ST14: variants seen among roughly 807,000 people sequenced by gnomAD.
ST14 encodes ST14 transmembrane serine protease matriptase.
In ST14, 40 loss-of-function variants were observed where a neutral mutation model predicts 96.5. That is an observed-to-expected ratio of 0.41 (90% CI 0.32 to 0.54). The LOEUF is 0.54. ST14 is among the 20% of genes least tolerant of loss of function. The pLI is 0.17. For synonymous variants in ST14, 506 were observed against 492.1 expected (o/e 1.03, Z -0.37); for missense variants, 1,066 against 1,188.9 (o/e 0.90, Z 1.52).
chr11:130,206,386 T>G (rs1401365617), intron 16 of ST14, among the ~76,000 whole-genome samples: 1 of 123,312 alleles, frequency 8.1e-6, no homozygotes, highest in Non-Finnish European at 1.8e-5. Flanking sequence ...AGGTGATTCT[T>G]TGAATCAGCG....
chr11:130,188,998 G>A lies in ST14; in HGVS notation c.440+59G>A. The A allele has an allele frequency of 1.3e-6, 2 of 1,545,756 alleles. No homozygotes were observed. Among genetic ancestry groups the A allele is most frequent in the South Asian group, 1.2e-5 (1 of 85,346 alleles). ...CCCAGACTGGCTGGGAGTAGGATCG[G>A]GGTACAGTGTGTGGGGCAGGAAGCG... On this transcript the variant is annotated intron_variant, in intron 4 of 18. Transcript: ENST00000278742. This position sits in a 1 kb window ranked among gnomAD's most constrained non-coding sequence, Gnocchi z 5.4.
chr11:130,187,969 C>A lies in ST14; in HGVS notation c.82-145C>A, dbSNP rs575259351. ...TGCGCTCTGGGCAGTGGTCCCCATG[C>A]CTCTGGGGGAAGCCCCCTTCTTCTC... On this transcript the variant is annotated intron_variant, in intron 1 of 18. Transcript: ENST00000278742. This position sits in a 1 kb window ranked among gnomAD's most constrained non-coding sequence, Gnocchi z 4.5. 2 of 1,146,146 alleles carry A rather than the reference C, an allele frequency of 1.7e-6. No homozygotes were observed. Among genetic ancestry groups the A allele is most frequent in the South Asian group, 1.4e-5 (1 of 70,330 alleles). The allele number at this position is 1,146,146 out of a possible 1,614,324, so 71.0% of individuals were successfully genotyped here.
At chr11:130,168,615 A>T (rs913252762) in intron 1 of ST14, among the ~76,000 whole-genome samples, 1 of 152,188 alleles carries the variant, frequency 6.6e-6, no homozygotes, top group Non-Finnish European at 1.5e-5. Context: ...CGAGGATGAG[A>T]GGTGGGTGAC....
At chr11:130,178,041 ACT>A (rs2136206912) in intron 1 of ST14, among the ~76,000 whole-genome samples, 1 of 152,226 alleles carries the variant, frequency 6.6e-6, no homozygotes, top group African/African-American at 2.4e-5. Context: ...CTTCCTGTTC[ACT>A]CCGTAGTCAG....
At chr11:130,176,755 A>G (rs1174387720) in intron 1 of ST14, among the ~76,000 whole-genome samples, 1 of 149,714 alleles carries the variant, frequency 6.7e-6, no homozygotes, top group Non-Finnish European at 1.5e-5. Flanking sequence ...ACTTTGCATT[A>G]AAAGTACAGG....
intron 16 of ST14, among the ~76,000 whole-genome samples, chr11:130,202,080 G>A (rs1016810297): frequency 6.6e-6 from 1 of 152,232 alleles, no homozygotes; most frequent in Non-Finnish European, 1.5e-5. Flanking sequence ...CGGTTGCTTA[G>A]TGTGTTCATT....
intron 5 of ST14, 71 bp downstream of exon 5, chr11:130,189,967 A>C (rs2136212741): frequency 1.2e-6 from 2 of 1,612,220 alleles, no homozygotes; most frequent in Non-Finnish European, 1.7e-6. Context: ...GCCCTGGACC[A>C]TTGCAGGGGA....
rs1231541764 is a variant in ST14, at chr11:130,188,245, G to T, written c.213G>T (p.Gly71=). ...VLIGLLLVLL[G]IGFLVWHLQY... The stretch of plus-strand genomic sequence containing the variant: ...TCGGCCTCCTCTTGGTCTTGCTGGG[G>T]ATCGGCTTCCTGGTGTGGCATTTGC... Residue 71 remains glycine, a synonymous_variant, in exon 2 of 19, where the codon GGG becomes GGT. Coordinates refer to ENST00000278742, the MANE Select transcript of ST14 (RefSeq NM_021978.4). The surrounding 1 kb of genome is among the most constrained non-coding windows in gnomAD (Gnocchi z 5.4). The T allele has an allele frequency of 1.2e-6, 2 of 1,613,896 alleles. No individual in the cohort carries two copies. The highest frequency in any genetic ancestry group is 1.7e-6 in the Non-Finnish European group (2 of 1,179,890).
rs1953285614 is a variant in ST14, at chr11:130,190,496, T to C, written c.677T>C (p.Met226Thr). 6.2e-7 allele frequency: 1 copy of C among 1,608,784 alleles called. No homozygotes were observed. The highest frequency in any genetic ancestry group is 8.5e-7 in the Non-Finnish European group (1 of 1,179,888). ...CTGCACGCCCGCGGTGTGGAGCTGA[T>C]GCGCTTCACCACGCCCGGCTTCCCT... ...FGLHARGVEL[M>T]RFTTPGFPDS... is the part of the protein sequence containing the mutation. The change falls in exon 7 of 19, where the codon ATG becomes ACG. Residue 226 changes from methionine (M) to threonine (T), a missense_variant. Transcript: ENST00000278742.
intron 16 of ST14, among the ~76,000 whole-genome samples, chr11:130,207,899 C>A (rs116914361): frequency 6.6e-6 from 1 of 152,046 alleles, no homozygotes; most frequent in African/African-American, 2.4e-5. Context: ...GATGAAATCC[C>A]GTCTCTATTA....
At chr11:130,173,595 C>CA (rs1372572280) in intron 1 of ST14, among the ~76,000 whole-genome samples, 5,898 of 93,248 alleles carry the variant, frequency 0.063, 298 homozygotes, top group African/African-American at 0.18. Context: ...GACTCTGTCT[C>CA]AAAAAAAAAA....
chr11:130,194,237 C>G lies in ST14; in HGVS notation c.964C>G (p.Arg322Gly), dbSNP rs778216393. ...CATCACACTGATAACCAACACTGAG[C>G]GGCGGCATCCCGGCTTTGAGGCCAC... ...LLITLITNTERRHPGFEATFF... is the reference protein window; with the variant it reads ...LLITLITNTEGRHPGFEATFF... The change falls in exon 8 of 19, where the codon CGG becomes GGG. Residue 322 changes from arginine to glycine, a missense_variant. Coordinates refer to ENST00000278742, the MANE Select transcript of ST14 (RefSeq NM_021978.4). 1 of 1,614,224 alleles carries G rather than the reference C, an allele frequency of 6.2e-7. No individual in the cohort carries two copies. The highest frequency in any genetic ancestry group is 8.5e-7 in the Non-Finnish European group (1 of 1,180,042).
rs892531179 is a variant in ST14, at chr11:130,198,185, G to T, written c.1460-123G>T. 1.1e-5 allele frequency: 11 copies of T among 1,011,008 alleles called. No individual in the cohort carries two copies. The Admixed American group carries it at 1.4e-4, about 12-fold the overall frequency. 62.6% of individuals were successfully genotyped at this position (1,011,008 alleles called of 1,614,324 possible). ...GGTCAGCTTGGTAGCTGGTGGAGCA[G>T]GGCCCCTTGGGCCTCTCTGTAGATC... On this transcript the variant is annotated intron_variant, in intron 12 of 18. Coordinates refer to ENST00000278742, the MANE Select transcript of ST14 (RefSeq NM_021978.4).
At chr11:130,190,737 G>T in intron 7 of ST14, 43 bp downstream of exon 7, 1 of 1,533,362 alleles carries the variant, frequency 6.5e-7, no homozygotes, top group Non-Finnish European at 8.8e-7. Context: ...GAGCTTGGCG[G>T]CTGCCCTGTA....
Position 130,208,586 on chromosome 11 carries a change from G to A in ST14, c.2171G>A (p.Ser724Asn), listed in dbSNP as rs373170484. ...LLELEKPAEY[S>N]SMVRPICLPD... ...GAGCTGGAGAAACCGGCAGAGTACA[G>A]CTCCATGGTGCGGCCCATCTGCCTG... is the stretch of plus-strand genomic sequence containing the variant. The change falls in exon 17 of 19, where the codon AGC becomes AAC. Residue 724 changes from serine (S) to asparagine (N), a missense_variant. Coordinates refer to ENST00000278742, the MANE Select transcript of ST14 (RefSeq NM_021978.4). 1.2e-6 allele frequency: 2 copies of A among 1,614,190 alleles called. No homozygotes were observed. The highest frequency in any genetic ancestry group is 1.1e-5 in the South Asian group (1 of 91,090).
At position 130,209,818 on chromosome 11, in the gene ST14, G is replaced by T. The variant is rs1470386225; in HGVS notation, c.2563G>T (p.Val855Leu). The change falls in exon 19 of 19, where the codon GTA becomes TTA. Residue 855 changes from valine (V) to leucine (L), a missense_variant. By Grantham distance (32) the Val-to-Leu change is conservative. Coordinates refer to ENST00000278742, the MANE Select transcript of ST14 (RefSeq NM_021978.4). ...FRDWIKENTG[V>L] ...GGACTGGATCAAAGAGAACACTGGG[G>T]TATAGGGGCCGGGGCCACCCAAATG... 6.2e-7 allele frequency: 1 copy of T among 1,613,800 alleles called. No homozygotes were observed. The highest frequency in any genetic ancestry group is 8.5e-7 in the Non-Finnish European group (1 of 1,180,022).
intron 16 of ST14, among the ~76,000 whole-genome samples, chr11:130,205,250 C>T (rs1285117063): frequency 4.6e-5 from 7 of 152,088 alleles, no homozygotes; most frequent in Non-Finnish European, 7.4e-5. Context: ...CCTCAGCCTC[C>T]GGAGTAGCTG....
intron 6 of ST14, 72 bp downstream of exon 6, chr11:130,190,220 G>T (rs1953282862): frequency 6.3e-7 from 1 of 1,591,864 alleles, no homozygotes; most frequent in African/African-American, 1.3e-5. Context: ...TTGAGCCAGT[G>T]GGGTCCCCAG....
At chr11:130,199,866 T>C (rs547480601) in intron 15 of ST14, 85 bp from the exon 16 acceptor site, 1 of 1,562,146 alleles carries the variant, frequency 6.4e-7, no homozygotes, top group South Asian at 1.1e-5. Flanking sequence ...CCACACAGGG[T>C]CTCCTGGCAC....
Sources: gnomAD v4.1 joint callset for allele counts (sites outside exome capture counted in the v4.1 genomes callset) on GRCh38, gnomAD v4.1.1 for gene constraint, Gnocchi (gnomAD v3.1) non-coding constraint, MANE v1.5 for transcripts, NCBI Gene and HGNC (gene_info 2026-07-23, HGNC 2026-07-21) for gene names.